Variants in CCDC192 observed in about 807,000 individuals in gnomAD.
CCDC192 encodes coiled-coil domain-containing protein 192.
chr5:127,752,413 GT>G (rs1169133460), intron 2 of CCDC192, among the ~76,000 whole-genome samples: 4 of 152,202 alleles, frequency 2.6e-5, no homozygotes, highest in Non-Finnish European at 5.9e-5. Flanking sequence ...GTGCCTCCCA[GT>G]TAGGCTGCTC....
intron 6 of CCDC192, among the ~76,000 whole-genome samples, chr5:127,923,523 G>A (rs559515388): frequency 2.4e-4 from 37 of 152,050 alleles, no homozygotes; most frequent in African/African-American, 1.2e-4. Context: ...GACTACAGGC[G>A]CCCGCCACCA....
At chr5:127,715,978 T>A (rs1751601584) in intron 2 of CCDC192, among the ~76,000 whole-genome samples, 1 of 152,196 alleles carries the variant, frequency 6.6e-6, no homozygotes, top group Admixed American at 6.5e-5. Context: ...GTGATTTTAG[T>A]AAAAATGTTT....
chr5:127,937,394 T>A (rs1754215673), intron 6 of CCDC192, among the ~76,000 whole-genome samples: 1 of 152,126 alleles, frequency 6.6e-6, no homozygotes, highest in South Asian at 2.1e-4. Context: ...TGGGAAATAA[T>A]TAGGCTTGGA....
chr5:127,899,291 G>A (rs1002771136), intron 6 of CCDC192, among the ~76,000 whole-genome samples: 1 of 152,176 alleles, frequency 6.6e-6, no homozygotes, highest in Non-Finnish European at 1.5e-5. Flanking sequence ...AGAGAAAGGT[G>A]TTCAAGAAAA....
intron 3 of CCDC192, among the ~76,000 whole-genome samples, chr5:127,788,823 CTCCTCCAATTCATATGTTGAATTCCT>C (rs1455210189): frequency 1.3e-5 from 2 of 152,082 alleles, no homozygotes; most frequent in African/African-American, 4.8e-5. Context: ...ATATTTACAC[CTCCTCCAATTCATATGTTGAATTCCT>C]AATTTTTAAT....
chr5:127,774,080 C>G (rs1341753640), intron 3 of CCDC192, among the ~76,000 whole-genome samples: 1 of 152,138 alleles, frequency 6.6e-6, no homozygotes. Context: ...AATGTCTACT[C>G]AAGTCCTTTG....
intron 6 of CCDC192, among the ~76,000 whole-genome samples, chr5:127,898,898 A>G (rs2127164230): frequency 6.6e-6 from 1 of 152,276 alleles, no homozygotes; most frequent in Non-Finnish European, 1.5e-5. Context: ...AGTCATATCT[A>G]ATGAGGACAG....
At chr5:127,892,839 G>T (rs1350706214) in intron 6 of CCDC192, among the ~76,000 whole-genome samples, 5 of 152,206 alleles carry the variant, frequency 3.3e-5, no homozygotes, top group African/African-American at 1.2e-4. Flanking sequence ...GTTAGGAAGA[G>T]AAACAGTGTA....
At position 127,797,145 on chromosome 5, in the gene CCDC192, G is replaced by A. The variant is rs981047190; in HGVS notation, c.265G>A (p.Val89Ile). Reference protein sequence around the residue: ...EGTKSKLLEQVSRLEEKLEAV... With the variant: ...EGTKSKLLEQISRLEEKLEAV... ...AACAAAATCAAAACTGCTTGAACAA[G>A]TATCCCGGCTGGAGGAAAAACTGGA... is the stretch of plus-strand genomic sequence containing the variant. Residue 89 changes from valine to isoleucine, a missense_variant, in exon 4 of 7, where the codon GTA becomes ATA. Transcript: ENST00000514853. 1.5e-4 allele frequency: 59 copies of A among 398,298 alleles called. 1 individual carries two copies. The highest frequency in any genetic ancestry group is 2.3e-4 in the Non-Finnish European group (51 of 225,654). 24.7% of individuals were successfully genotyped at this position (398,298 alleles called of 1,614,324 possible). A position where few individuals can be genotyped will look rare whatever the true frequency, so the allele number is the denominator to read the frequency against.
chr5:127,798,367 A>C (rs1441870660), intron 5 of CCDC192, among the ~76,000 whole-genome samples: 2 of 152,296 alleles, frequency 1.3e-5, no homozygotes, highest in Middle Eastern at 6.8e-3. Flanking sequence ...TTCCAAACTG[A>C]GCTCTTATAT....
At chr5:127,836,593 C>T (rs919116776) in intron 5 of CCDC192, among the ~76,000 whole-genome samples, 7 of 152,244 alleles carry the variant, frequency 4.6e-5, no homozygotes, top group African/African-American at 1.4e-4. Context: ...CCTCTGAAAT[C>T]TAAGCAGAAG....
intron 5 of CCDC192, among the ~76,000 whole-genome samples, chr5:127,841,549 A>G (rs1244488835): frequency 6.6e-6 from 1 of 152,192 alleles, no homozygotes; most frequent in Admixed American, 6.5e-5. Flanking sequence ...TTTGAATACT[A>G]GAATGAAAGA....
At chr5:127,901,294 T>A (rs993160381) in intron 6 of CCDC192, among the ~76,000 whole-genome samples, 1 of 152,204 alleles carries the variant, frequency 6.6e-6, no homozygotes, top group Non-Finnish European at 1.5e-5. Context: ...AAATTATTCC[T>A]AAATAATAAT....
At chr5:127,939,692 T>G (rs1433628423) in intron 6 of CCDC192, among the ~76,000 whole-genome samples, 3 of 148,174 alleles carry the variant, frequency 2.0e-5, no homozygotes, top group African/African-American at 4.9e-5. Flanking sequence ...TTTATGTTTT[T>G]TTTTTTTTTT....
chr5:127,873,204 C>A (rs1456224989), intron 5 of CCDC192, among the ~76,000 whole-genome samples: 1 of 152,052 alleles, frequency 6.6e-6, no homozygotes, highest in Non-Finnish European at 1.5e-5. Context: ...TATTTACTGT[C>A]AATGCATACT....
intron 5 of CCDC192, among the ~76,000 whole-genome samples, chr5:127,805,896 T>C (rs895377979): frequency 2.0e-5 from 3 of 152,142 alleles, no homozygotes; most frequent in African/African-American, 4.8e-5. Flanking sequence ...TTGAATATCA[T>C]AGAAGAATAG....
rs1475715441 is a variant in CCDC192 at position 127,888,515 on chromosome 5, T to C, written c.535+12854T>C. ...ATATTTGAAATCAGGACCATGCTCC[T>C]GAATACTAGATCTAGTATCACTATA... On this transcript the variant is annotated intron_variant, in intron 6 of 6. Transcript: ENST00000514853. 1.3e-5 allele frequency among the ~76,000 whole-genome samples: 2 copies of C among 152,144 alleles called. 1 individual carries two copies. Among genetic ancestry groups the C allele is most frequent in the Admixed American group, 1.3e-4 (2 of 15,274 alleles).
chr5:127,797,038 A>G, intron 3 of CCDC192, 65 bp from the exon 4 acceptor site: 2 of 390,844 alleles, frequency 5.1e-6, no homozygotes, highest in East Asian at 7.3e-5. Context: ...TGTAAGTTGA[A>G]TTTTTAAAAG....
intron 3 of CCDC192, among the ~76,000 whole-genome samples, chr5:127,787,491 T>C (rs1756614182): frequency 6.6e-6 from 1 of 152,258 alleles, no homozygotes; most frequent in African/African-American, 2.4e-5. Flanking sequence ...TTTGTCCCAC[T>C]GGTTGTTTAA....
Sources: allele counts gnomAD v4.1 joint callset (sites outside exome capture counted in the v4.1 genomes callset), GRCh38; gene constraint gnomAD v4.1.1; transcripts MANE v1.5; gene names NCBI Gene and HGNC (gene_info 2026-07-23, HGNC 2026-07-21).